MUTYH: variants seen among roughly 807,000 people sequenced by gnomAD.
The protein encoded by MUTYH is adenine DNA glycosylase.
In MUTYH, 64 loss-of-function variants were observed where a neutral mutation model predicts 72.9. The ratio of observed to expected loss-of-function variants is 0.88; its 90% confidence interval spans 0.72 to 1.08. The LOEUF is 1.08. MUTYH is among the 50% of genes least tolerant of loss of function. The pLI is 0.00. For missense variants in MUTYH, 633 were observed against 671.0 expected, an observed-to-expected ratio of 0.94 and a Z score of 0.63; for synonymous variants, 234 against 263.1, an observed-to-expected ratio of 0.89 and a Z score of 1.07.
chr1:45,339,628 T>C, intron 1 of MUTYH: 1 of 358,584 alleles, frequency 2.8e-6, no homozygotes, highest in South Asian at 2.1e-5. Flanking sequence ...GTTCACATTA[T>C]CACTTGATTG....
Position 45,331,433 on chromosome 1 carries a change from C to T in MUTYH, c.1226G>A (p.Arg409Gln), listed in dbSNP as rs587782120. The change falls in exon 13 of 16, where the codon CGG becomes CAG. Residue 409 changes from arginine to glutamine, a missense_variant. Coordinates refer to ENST00000456914, the MANE Select transcript of MUTYH (RefSeq NM_001048174.2). ...CTGCTCACTTACCTCCCCAAGGTGC[C>T]GGAGGTGCGTGGCTGGGAGGGGCCC... is the stretch of plus-strand genomic sequence containing the variant. Reference protein sequence around the residue: ...WAGPLPATHLRHLGEVVHTFS... With the variant: ...WAGPLPATHLQHLGEVVHTFS... 22 of 1,614,080 alleles carry T rather than the reference C, an allele frequency of 1.4e-5. No individual in the cohort carries two copies. The highest frequency in any genetic ancestry group is 2.7e-5 in the African/African-American group (2 of 74,936).
At chr1:45,340,199 G>T (rs540793556), upstream of MUTYH, 129 of 1,613,538 alleles carry the variant, frequency 8.0e-5, 1 homozygote, top group South Asian at 1.3e-3. Flanking sequence ...GCCAGGAGAC[G>T]GACCGCAAGT....
In MUTYH at chr1:45,332,468, G is replaced by A. The variant is rs2149145364; in HGVS notation, c.627C>T (p.Gly209=). The change falls in exon 9 of 16, where the codon GGC becomes GGT. Residue 209 remains glycine, a synonymous_variant. Transcript: ENST00000456914. Reference sequence around the variant, plus strand: ...CACGGCACAGCACCCGTGCTACGTTGCCATCCACCACACCGGTTGCCTGGC... The same window carrying A: ...CACGGCACAGCACCCGTGCTACGTTACCATCCACCACACCGGTTGCCTGGC... ...AFGQATGVVD[G]NVARVLCRVR... is the part of the protein sequence containing the mutation. 6.2e-7 allele frequency: 1 copy of A among 1,614,128 alleles called. No homozygotes were observed. The highest frequency in any genetic ancestry group is 8.5e-7 in the Non-Finnish European group (1 of 1,180,010).
chr1:45,333,110 G>T lies in MUTYH; in HGVS notation c.365C>A (p.Thr122Asn). 6.2e-7 allele frequency: 1 copy of T among 1,614,140 alleles called. No individual in the cohort carries two copies. The highest frequency in any genetic ancestry group is 1.7e-5 in the Admixed American group (1 of 60,016). ...TQVATVINYY[T>N]GWMQKWPTLQ... ...CCCTGGAGTCACCTGCATCCATCCG[G>T]TATAGTAGTTGATCACAGTGGCAAC... Residue 122 changes from threonine (T) to asparagine (N), a missense_variant, in exon 5 of 16, where the codon ACC becomes AAC. Transcript: ENST00000456914.
chr1:45,331,709 G>C lies in MUTYH; in HGVS notation c.1054C>G (p.Pro352Ala), dbSNP rs876658699. 1.2e-6 allele frequency: 2 copies of C among 1,614,152 alleles called. No individual in the cohort carries two copies. The highest frequency in any genetic ancestry group is 1.7e-6 in the Non-Finnish European group (2 of 1,180,046). ...AGAATTTGGGCCCCAAGGGCCCCAG[G>C]CTGTTCCAGAACACAGGTGGCAGAG... ...ESSATCVLEQ[P>A]GALGAQILLV... Residue 352 changes from proline (P) to alanine (A), a missense_variant, in exon 12 of 16, where the codon CCT (proline) becomes GCT (alanine). Transcript: ENST00000456914.
chr1:45,338,406 C>T, intron 1 of MUTYH: 1 of 433,514 alleles, frequency 2.3e-6, no homozygotes. Flanking sequence ...CTCTTTTATG[C>T]TTTTACCTAA....
chr1:45,333,805 G>C (rs1195320251), intron 2 of MUTYH, among the ~76,000 whole-genome samples: 1 of 152,138 alleles, frequency 6.6e-6, no homozygotes, highest in Non-Finnish European at 1.5e-5. Context: ...AAACCTAATA[G>C]TTTTAGCCAG....
rs200371932 is a variant in MUTYH, at chr1:45,334,519, A to C, written c.-6-8T>G. 4 of 1,613,876 alleles carry C rather than the reference A, an allele frequency of 2.5e-6. No individual in the cohort carries two copies. Among genetic ancestry groups the C allele is most frequent in the Non-Finnish European group, 3.4e-6 (4 of 1,179,846 alleles). On this transcript the variant is annotated splice_polypyrimidine_tract_variant and splice_region_variant and intron_variant, in intron 1 of 15. Transcript: ENST00000456914. Reference sequence around the variant, plus strand: ...TGGCTTCCTCATGATGGCCTGAAACAAAAAGACCCAGCCAAAGCAGTCAGT... The same window carrying C: ...TGGCTTCCTCATGATGGCCTGAAACCAAAAGACCCAGCCAAAGCAGTCAGT...
chr1:45,338,400 T>C (rs1646281809), intron 1 of MUTYH: 1 of 436,774 alleles, frequency 2.3e-6, no homozygotes, highest in African/African-American at 2.0e-5. Flanking sequence ...TTTGGACTCT[T>C]TTATGCTTTT....
At position 45,332,746 on chromosome 1, in the gene MUTYH, T is replaced by C. The variant is rs769528537; in HGVS notation, c.492+17A>G. 10 of 1,614,124 alleles carry C rather than the reference T, an allele frequency of 6.2e-6. No individual in the cohort carries two copies. Among genetic ancestry groups the C allele is most frequent in the Non-Finnish European group, 8.5e-6 (10 of 1,179,996 alleles). On this transcript the variant is annotated intron_variant, in intron 7 of 15. Transcript: ENST00000456914. ...ACCCAAGACTCCTGGGTTCCTACCC[T>C]CCTGCCATCCCCTTACCTTCCGAGC...
In MUTYH at chr1:45,332,944, G is replaced by A. The variant is rs1292255414; in HGVS notation, c.394C>T (p.Gln132Ter). ...TCCAGGGAAGCACTGGCCAGGTCCT[G>A]CAGTGTAGGCCACTTCTATAGCCAC... ...TGWMQKWPTL[Q>*]DLASASLEEV... The change falls in exon 6 of 16, where the codon CAG (glutamine) becomes TAG (stop). Residue 132 changes from glutamine (Q) to a stop codon, truncating the protein, a stop_gained. Transcript: ENST00000456914. LOFTEE classifies it high-confidence loss of function. 2 of 1,614,100 alleles carry A rather than the reference G, an allele frequency of 1.2e-6. No individual in the cohort carries two copies. Among genetic ancestry groups the A allele is most frequent in the South Asian group, 1.1e-5 (1 of 91,082 alleles).
intron 1 of MUTYH, among the ~76,000 whole-genome samples, chr1:45,337,203 G>A (rs1460345298): frequency 6.6e-6 from 1 of 150,886 alleles, no homozygotes; most frequent in Non-Finnish European, 1.5e-5. Context: ...GAGTGCAGTG[G>A]TGTGATCTTG....
upstream of MUTYH, chr1:45,340,415 G>C: frequency 2.6e-6 from 4 of 1,531,748 alleles, no homozygotes; most frequent in South Asian, 3.6e-5. Context: ...TGCTCCTTCC[G>C]CCTGAACTAG....
chr1:45,336,538 C>G (rs576407733), intron 1 of MUTYH, among the ~76,000 whole-genome samples: 5 of 152,198 alleles, frequency 3.3e-5, no homozygotes, highest in African/African-American at 1.2e-4. Flanking sequence ...AATCTCCCCC[C>G]CACCCTTAAG....
chr1:45,333,760 G>A (rs910075270), intron 2 of MUTYH, 199 bp from the exon 3 acceptor site: 3 of 311,632 alleles, frequency 9.6e-6, no homozygotes, highest in African/African-American at 6.8e-5. Flanking sequence ...ATTTTCTCAG[G>A]GTGGTACTAC....
chr1:45,340,280 G>C (rs1557519054), upstream of MUTYH: 2 of 1,613,684 alleles, frequency 1.2e-6, no homozygotes, highest in South Asian at 2.2e-5. Context: ...CGATGGCGCA[G>C]TTTCAGCTCC....
At chr1:45,338,557 G>T in intron 1 of MUTYH, 20 of 285,650 alleles carry the variant, frequency 7.0e-5, no homozygotes, top group East Asian at 2.3e-4. Flanking sequence ...TGTACTTCCT[G>T]AATTTGACTG....
At position 45,332,606 on chromosome 1, in the gene MUTYH, C is replaced by A. The variant is rs1489217206; in HGVS notation, c.574G>T (p.Ala192Ser). ...AAGGCGATAGAGGCAATGGCCCCAG[C>A]TGTGTAGCGCCCCACGCCAGGCAGG... is the stretch of plus-strand genomic sequence containing the variant. ...QLLPGVGRYT[A>S]GAIASIAFGQ... is the part of the protein sequence containing the mutation. The change falls in exon 8 of 16, where the codon GCT (alanine) becomes TCT (serine). Residue 192 changes from alanine to serine, a missense_variant. By Grantham distance (99) the Ala-to-Ser change is moderately conservative. Coordinates refer to ENST00000456914, the MANE Select transcript of MUTYH (RefSeq NM_001048174.2). 6.2e-7 allele frequency: 1 copy of A among 1,614,172 alleles called. No homozygotes were observed. Among genetic ancestry groups the A allele is most frequent in the Non-Finnish European group, 8.5e-7 (1 of 1,180,024 alleles).
rs147487160 is a variant in MUTYH at position 45,332,481 on chromosome 1, C to T, written c.614G>A (p.Gly205Asp). The T allele has an allele frequency of 2.5e-6, 4 of 1,613,974 alleles. No individual in the cohort carries two copies. The highest frequency in any genetic ancestry group is 1.7e-5 in the Admixed American group (1 of 60,004). ...IASIAFGQATGVVDGNVARVL... is the reference protein window; with the variant it reads ...IASIAFGQATDVVDGNVARVL... ...CCGTGCTACGTTGCCATCCACCACACCGGTTGCCTGGCACAGAGGGGCCAA... is the reference window on the plus strand; with the variant it reads ...CCGTGCTACGTTGCCATCCACCACATCGGTTGCCTGGCACAGAGGGGCCAA... Residue 205 changes from glycine to aspartate, a missense_variant, in exon 9 of 16, where the codon GGT (glycine) becomes GAT (aspartate). Gly to Asp is a moderately conservative substitution (Grantham distance 94, BLOSUM62 -1). Transcript: ENST00000456914.
Sources: allele counts gnomAD v4.1 joint callset (sites outside exome capture counted in the v4.1 genomes callset), GRCh38; gene constraint gnomAD v4.1.1; transcripts MANE v1.5; gene names NCBI Gene and HGNC (gene_info 2026-07-23, HGNC 2026-07-21).